Variants in CYFIP1 observed in about 807,000 individuals in gnomAD.
CYFIP1 encodes the protein cytoplasmic FMR1 interacting protein 1, also known as cytoplasmic FMR1-interacting protein 1.
In CYFIP1, 58 loss-of-function variants were observed where a neutral mutation model predicts 163.5. The observed-to-expected ratio is 0.35, with a 90% CI of 0.29 to 0.44. CYFIP1 has a LOEUF of 0.44. CYFIP1 is among the 20% of genes least tolerant of loss of function. CYFIP1 has a pLI of 1.00. For missense variants in CYFIP1, 1,338 were observed against 1,653.8 expected (o/e 0.81, Z 3.31); for synonymous variants, 663 against 660.7 (o/e 1.00, Z -0.05).
chr15:22,902,049 C>T (rs1471651552), intron 22 of CYFIP1, among the ~76,000 whole-genome samples: 1 of 152,204 alleles, frequency 6.6e-6, no homozygotes, highest in Non-Finnish European at 1.5e-5. Context: ...GCATGCTGAC[C>T]TCTGCCCAAC....
chr15:22,899,836 T>C (rs1030757444), intron 22 of CYFIP1, among the ~76,000 whole-genome samples: 2 of 151,970 alleles, frequency 1.3e-5, no homozygotes, highest in Non-Finnish European at 2.9e-5. Flanking sequence ...TCACCTGAGG[T>C]TGGGAATTCA....
intron 30 of CYFIP1, 146 bp downstream of exon 30, chr15:22,872,679 T>C: frequency 1.4e-6 from 1 of 734,466 alleles, no homozygotes; most frequent in Non-Finnish European, 2.2e-6. Context: ...ATATTTAGAT[T>C]CATTTTGGGA....
At chr15:22,897,933 G>A (rs1311234872) in intron 22 of CYFIP1, among the ~76,000 whole-genome samples, 2 of 152,202 alleles carry the variant, frequency 1.3e-5, no homozygotes, top group African/African-American at 2.4e-5. Context: ...GGTTTCAGGA[G>A]CTGTTTCTGT....
intron 23 of CYFIP1, among the ~76,000 whole-genome samples, chr15:22,888,742 A>C (rs117269103): frequency 0.011 from 1,707 of 151,254 alleles, 24 homozygotes; most frequent in South Asian, 0.046. Context: ...TCAAAAAAAA[A>C]AAAAATTACT....
intron 11 of CYFIP1, among the ~76,000 whole-genome samples, chr15:22,929,631 CAAAAAAAAAAAA>C (rs35408380): frequency 2.4e-5 from 1 of 42,254 alleles, no homozygotes; most frequent in Non-Finnish European, 3.8e-5. Context: ...GACTCTGTCT[CAAAAAAAAAAAA>C]AAAAAAAAAA....
chr15:22,929,178 C>T (rs1043536969), intron 11 of CYFIP1, among the ~76,000 whole-genome samples: 3 of 151,148 alleles, frequency 2.0e-5, no homozygotes, highest in African/African-American at 7.3e-5. Flanking sequence ...CAAGATCCCG[C>T]CATCACACGC....
intron 1 of CYFIP1, among the ~76,000 whole-genome samples, chr15:22,952,979 TCATGATCATAGGCAGCCCTCC>T (rs1487409589): frequency 6.6e-6 from 1 of 152,214 alleles, no homozygotes; most frequent in Non-Finnish European, 1.5e-5. Flanking sequence ...TTCAGGTTTT[TCATGATCATAGGCAGCCCTCC>T]CACATCCGCC....
intron 16 of CYFIP1, 103 bp downstream of exon 16, chr15:22,916,374 C>G: frequency 1.1e-6 from 1 of 873,128 alleles, no homozygotes. Context: ...CTGGGTGCAC[C>G]AAGGGACGGG....
At position 22,882,751 on chromosome 15, in the gene CYFIP1, C is replaced by T. The variant is rs547964018; in HGVS notation, c.2820+117G>A. On this transcript the variant is annotated intron_variant, in intron 24 of 30. Coordinates refer to ENST00000617928, the MANE Select transcript of CYFIP1 (RefSeq NM_014608.6). Reference sequence around the variant, plus strand: ...TATATATGGTCAGAAATGTTTGAAGCCTAATTGAACGAATCCAGCTGTTGG... The same window carrying T: ...TATATATGGTCAGAAATGTTTGAAGTCTAATTGAACGAATCCAGCTGTTGG... 5.7e-4 allele frequency: 681 copies of T among 1,199,630 alleles called. 18 individuals carry two copies. The South Asian group carries it at 8.3e-3, about 15-fold the overall frequency. 74.3% of individuals were successfully genotyped at this position (1,199,630 alleles called of 1,614,324 possible).
Position 22,913,605 on chromosome 15 carries a change from T to TAA in CYFIP1, c.1985+1119_1985+1120dup, listed in dbSNP as rs33967385. Reference sequence around the variant, plus strand: ...ACCAACGGAAGTACATAGACAGCATTAAAAAAAAAAAAAAAAAAAAAAGAA... The same window carrying TAA: ...ACCAACGGAAGTACATAGACAGCATTAAAAAAAAAAAAAAAAAAAAAAAAGAA... On this transcript the variant is annotated intron_variant, in intron 17 of 30. Coordinates refer to ENST00000617928, the MANE Select transcript of CYFIP1 (RefSeq NM_014608.6). 2.0e-3 allele frequency among the ~76,000 whole-genome samples: 134 copies of TAA among 66,962 alleles called. 5 individuals carry two copies. The East Asian group carries it at 0.037, about 18-fold the overall frequency. 43.9% of individuals were successfully genotyped at this position (66,962 alleles called of 152,430 possible).
chr15:22,918,675 G>T lies in CYFIP1; in HGVS notation c.1526+17C>A, dbSNP rs1417114659. ...GACGTGTGGGCACAGCGGGCACAGG[G>T]CGTGGGGAAGGCTGACCTCTGGATG... On this transcript the variant is annotated intron_variant, in intron 14 of 30. Transcript: ENST00000617928. 3 of 1,570,742 alleles carry T rather than the reference G, an allele frequency of 1.9e-6. No homozygotes were observed. Among genetic ancestry groups the T allele is most frequent in the South Asian group, 1.2e-5 (1 of 84,820 alleles).
At chr15:22,963,570 A>G (rs1365878121) in intron 1 of CYFIP1, among the ~76,000 whole-genome samples, 1 of 150,842 alleles carries the variant, frequency 6.6e-6, no homozygotes, top group African/African-American at 2.5e-5. Flanking sequence ...AAAGAATGAA[A>G]TATCCCCCTG....
At chr15:22,973,675 C>G (rs1050015700) in intron 1 of CYFIP1, among the ~76,000 whole-genome samples, 3 of 151,800 alleles carry the variant, frequency 2.0e-5, no homozygotes, top group African/African-American at 7.3e-5. Flanking sequence ...AATAAAGCCT[C>G]AAAAGCAAAG....
intron 17 of CYFIP1, chr15:22,912,524 G>T (rs2060823201): frequency 2.4e-6 from 1 of 419,568 alleles, no homozygotes; most frequent in Admixed American, 4.3e-5. Flanking sequence ...ACGGACAAGG[G>T]CCTCCACCTG....
Position 22,867,162 on chromosome 15 carries a change from T to C in CYFIP1, c.*2866A>G, listed in dbSNP as rs140218238. ...TCTATGAAAATGCTTTATTTTTTCATTGGTGATGAAAGTCTGAAATGTGCA... is the reference window on the plus strand; with the variant it reads ...TCTATGAAAATGCTTTATTTTTTCACTGGTGATGAAAGTCTGAAATGTGCA... On this transcript the variant is annotated 3_prime_UTR_variant, in exon 31 of 31. Transcript: ENST00000617928. 197 of 447,574 alleles carry C rather than the reference T, an allele frequency of 4.4e-4. 1 individual carries two copies. The highest frequency in any genetic ancestry group is 7.1e-4 in the Non-Finnish European group (181 of 256,234). 27.7% of individuals were successfully genotyped at this position (447,574 alleles called of 1,614,324 possible).
At chr15:22,912,440 C>A in intron 17 of CYFIP1, 165 bp from the exon 18 acceptor site, 1 of 534,024 alleles carries the variant, frequency 1.9e-6, no homozygotes, top group South Asian at 2.9e-5. Context: ...GTGGTGGCTG[C>A]GCCTGAGGCG....
chr15:22,925,575 A>AGGGTTGTGT (rs1289241613), intron 13 of CYFIP1, among the ~76,000 whole-genome samples: 1 of 152,212 alleles, frequency 6.6e-6, no homozygotes, highest in Non-Finnish European at 1.5e-5. Context: ...CAGGAAAAGC[A>AGGGTTGTGT]CAGCTATGAA....
chr15:22,894,213 A>C (rs894074610), intron 22 of CYFIP1, among the ~76,000 whole-genome samples: 69 of 151,178 alleles, frequency 4.6e-4, no homozygotes, highest in African/African-American at 1.6e-3. Context: ...GGAAAATCAG[A>C]GTAAAAATCC....
intron 19 of CYFIP1, 37 bp from the exon 20 acceptor site, chr15:22,910,665 C>T: frequency 6.2e-7 from 1 of 1,607,358 alleles, no homozygotes; most frequent in Non-Finnish European, 8.5e-7. Context: ...TTTCATACGC[C>T]ATAAATTGTA....
Sources: gnomAD v4.1 joint callset for allele counts (sites outside exome capture counted in the v4.1 genomes callset) on GRCh38, gnomAD v4.1.1 for gene constraint, MANE v1.5 for transcripts, NCBI Gene and HGNC (gene_info 2026-07-23, HGNC 2026-07-21) for gene names.